The following SALL3 variants were observed in gnomAD, a reference collection of about 807,000 sequenced individuals.
SALL3 encodes the protein spalt like transcription factor 3, also known as sal-like protein 3.
A neutral mutation model predicts 66.2 loss-of-function variants in SALL3; 25 were observed. The ratio of observed to expected loss-of-function variants is 0.38; its 90% confidence interval spans 0.28 to 0.53. The LOEUF (loss-of-function observed/expected upper bound fraction) is 0.53, where lower values mean the gene tolerates loss of function less well. SALL3 is among the 20% of genes least tolerant of loss of function. The pLI is 0.85. For synonymous variants in SALL3, 1,152 were observed against 899.1 expected (o/e 1.28, Z -5.03); for missense variants, 2,194 against 1,916.5 (o/e 1.14, Z -2.70).
Position 78,992,566 on chromosome 18 carries a change from G to A in SALL3, c.575G>A (p.Gly192Glu). ...GGCGCGCGCGCGGCAGGCGGCTCGGGAGCAGGTGGAGGCGTGGCAGCTGCA... is the reference window on the plus strand; with the variant it reads ...GGCGCGCGCGCGGCAGGCGGCTCGGAAGCAGGTGGAGGCGTGGCAGCTGCA... Reference protein sequence around the residue: ...SQGARAAGGSGAGGGVAAAAV... With the variant: ...SQGARAAGGSEAGGGVAAAAV... The change falls in exon 2 of 3, where the codon GGA becomes GAA. Residue 192 changes from glycine to glutamate, a missense_variant. Physicochemically the swap from Gly to Glu is moderately conservative, Grantham distance 98. Transcript: ENST00000537592. 6.6e-7 allele frequency: 1 copy of A among 1,505,080 alleles called. No homozygotes were observed. Among genetic ancestry groups the A allele is most frequent in the Non-Finnish European group, 8.8e-7 (1 of 1,134,972 alleles). 93.2% of individuals were successfully genotyped at this position (1,505,080 alleles called of 1,614,324 possible).
At chr18:78,987,260 A>T (rs1914275791) in intron 1 of SALL3, among the ~76,000 whole-genome samples, 1 of 152,244 alleles carries the variant, frequency 6.6e-6, no homozygotes, top group South Asian at 2.1e-4. Flanking sequence ...ATAACAGACC[A>T]GGGATTAAAG....
At chr18:78,995,959 C>T (rs1301950235) in intron 2 of SALL3, among the ~76,000 whole-genome samples, 1 of 152,114 alleles carries the variant, frequency 6.6e-6, no homozygotes, top group Non-Finnish European at 1.5e-5. Context: ...TGAGAATGCT[C>T]ACTTTGCAAC....
rs1406757662 is a variant in SALL3 at position 78,992,536 on chromosome 18, C to T, written c.545C>T (p.Ser182Leu). 3 of 1,494,874 alleles carry T rather than the reference C, an allele frequency of 2.0e-6. No individual in the cohort carries two copies. The highest frequency in any genetic ancestry group is 1.5e-5 in the African/African-American group (1 of 68,638). 92.6% of individuals were successfully genotyped at this position (1,494,874 alleles called of 1,614,324 possible). Residue 182 changes from serine (S) to leucine (L), a missense_variant, in exon 2 of 3, where the codon TCG (serine) becomes TTG (leucine). Physicochemically the swap from Ser to Leu is moderately radical, Grantham distance 145. Transcript: ENST00000537592. ...ACCAAGGTGGCGGTGGCGCAGTTCT[C>T]GCAGGGCGCGCGCGCGGCAGGCGGC... is the stretch of plus-strand genomic sequence containing the variant. ...LSTKVAVAQF[S>L]QGARAAGGSG...
chr18:78,995,369 C>T lies in SALL3; in HGVS notation c.3378C>T (p.Ser1126=), dbSNP rs369488002. 3.8e-5 allele frequency: 60 copies of T among 1,580,312 alleles called. No individual in the cohort carries two copies. Among genetic ancestry groups the T allele is most frequent in the Non-Finnish European group, 5.0e-5 (59 of 1,171,120 alleles). Residue 1126 remains serine (S), a synonymous_variant, in exon 2 of 3, where the codon AGC becomes AGT. Coordinates refer to ENST00000537592, the MANE Select transcript of SALL3 (RefSeq NM_171999.4). ...QSCGKTFSSA[S]ALQIHERTHT... is the part of the protein sequence containing the mutation. ...GCGGGAAGACCTTCTCCTCGGCCAGCGCCCTGCAGATCCATGAGCGCACGC... is the reference window on the plus strand; with the variant it reads ...GCGGGAAGACCTTCTCCTCGGCCAGTGCCCTGCAGATCCATGAGCGCACGC...
intron 2 of SALL3, 67 bp downstream of exon 2, chr18:78,995,529 C>G: frequency 6.7e-7 from 1 of 1,487,104 alleles, no homozygotes; most frequent in Non-Finnish European, 8.9e-7. Flanking sequence ...TCTCCATCAC[C>G]TGCCGCAGAC....
rs1227908348 is a variant in SALL3 at position 78,980,257 on chromosome 18, C to T, written c.-18C>T. ...CTGATGCCGCTGCCCCGCGCGGGGC[C>T]CGAGCGCCGCTAGCAGCATGTCTCG... On this transcript the variant is annotated 5_prime_UTR_variant, in exon 1 of 3. Transcript: ENST00000537592. 1.0e-5 allele frequency: 13 copies of T among 1,257,924 alleles called. No individual in the cohort carries two copies. The South Asian group carries it at 1.4e-4, about 14-fold the overall frequency. The allele number at this position is 1,257,924 out of a possible 1,614,324, so 77.9% of individuals were successfully genotyped here.
Position 78,994,895 on chromosome 18 carries a change from C to T in SALL3, c.2904C>T (p.Ser968=), listed in dbSNP as rs1390662394. The T allele has an allele frequency of 1.9e-6, 3 of 1,612,136 alleles. No individual in the cohort carries two copies. Among genetic ancestry groups the T allele is most frequent in the Middle Eastern group, 1.7e-4 (1 of 6,056 alleles). The change falls in exon 2 of 3, where the codon AGC becomes AGT. Residue 968 remains serine, a synonymous_variant. Transcript: ENST00000537592. ...CGCCCTTCAGCCTGCTGTTCCTGAG[C>T]AGGGAGCGGGGTAAGTGTCCCAGCA... The part of the protein sequence containing the change: ...EEAPFSLLFL[S]RERGKCPSTV...
intron 2 of SALL3, among the ~76,000 whole-genome samples, chr18:78,996,223 C>T (rs1156395981): frequency 6.6e-6 from 1 of 152,136 alleles, no homozygotes; most frequent in Non-Finnish European, 1.5e-5. Context: ...GGGTGTGTGA[C>T]GAGTACTGGG....
In SALL3 at chr18:78,992,561, C is replaced by T; in HGVS notation, c.570C>T (p.Gly190=). The T allele has an allele frequency of 6.7e-7, 1 of 1,503,538 alleles. No individual in the cohort carries two copies. Among genetic ancestry groups the T allele is most frequent in the Non-Finnish European group, 8.8e-7 (1 of 1,134,258 alleles). 93.1% of individuals were successfully genotyped at this position (1,503,538 alleles called of 1,614,324 possible). ...CGCAGGGCGCGCGCGCGGCAGGCGG[C>T]TCGGGAGCAGGTGGAGGCGTGGCAG... is the stretch of plus-strand genomic sequence containing the variant. ...QFSQGARAAG[G]SGAGGGVAAA... is the part of the protein sequence containing the mutation. The change falls in exon 2 of 3, where the codon GGC becomes GGT. Residue 190 remains glycine, a synonymous_variant. Transcript: ENST00000537592.
At position 78,995,007 on chromosome 18, in the gene SALL3, GTCTGCGCGC is replaced by G; in HGVS notation, c.3022_3030del (p.Ala1008_Cys1010del). The G allele has an allele frequency of 6.2e-7, 1 of 1,613,884 alleles. No individual in the cohort carries two copies. Among genetic ancestry groups the G allele is most frequent in the Non-Finnish European group, 8.5e-7 (1 of 1,180,026 alleles). ...CAGCCATACTAAGGAGCGGCCATTCGTCTGCGCGCTCTGCAGGCGAGGGTGCTCCACTAT... is the reference window on the plus strand; with the variant it reads ...CAGCCATACTAAGGAGCGGCCATTCGTCTGCAGGCGAGGGTGCTCCACTAT... On this transcript the variant is annotated inframe_deletion, in exon 2 of 3. Transcript: ENST00000537592.
Position 78,993,402 on chromosome 18 carries a change from AAGG to A in SALL3, c.1414_1416del (p.Glu472del). ...CCTGAAGGTGCACTTCCAGAGGCACAAGGAGAAGTACCCCCACATCCAGATGAA... is the reference window on the plus strand; with the variant it reads ...CCTGAAGGTGCACTTCCAGAGGCACAAGAAGTACCCCCACATCCAGATGAA... On this transcript the variant is annotated inframe_deletion, in exon 2 of 3. Transcript: ENST00000537592. 4 of 1,612,736 alleles carry A rather than the reference AAGG, an allele frequency of 2.5e-6. No homozygotes were observed. Among genetic ancestry groups the A allele is most frequent in the Non-Finnish European group, 3.4e-6 (4 of 1,179,904 alleles).
intron 2 of SALL3, 84 bp downstream of exon 2, chr18:78,995,546 G>A (rs1384180444): frequency 6.8e-7 from 1 of 1,471,740 alleles, no homozygotes; most frequent in South Asian, 1.4e-5. Context: ...AGACACAGCG[G>A]CCGAGGTCCT....
intron 1 of SALL3, among the ~76,000 whole-genome samples, chr18:78,982,474 G>C (rs1329880131): frequency 6.6e-6 from 1 of 152,120 alleles, no homozygotes; most frequent in Non-Finnish European, 1.5e-5. Flanking sequence ...AGAGAGTTTA[G>C]GCAAACTATT....
intron 1 of SALL3, among the ~76,000 whole-genome samples, chr18:78,981,772 T>G (rs560788597): frequency 1.1e-4 from 16 of 152,324 alleles, no homozygotes; most frequent in East Asian, 1.9e-4. Flanking sequence ...AATGGATTTT[T>G]TTTTGTTTTG....
Position 78,992,461 on chromosome 18 carries a change from C to T in SALL3, c.470C>T (p.Pro157Leu). 1 of 1,437,676 alleles carries T rather than the reference C, an allele frequency of 7.0e-7. No homozygotes were observed. The highest frequency in any genetic ancestry group is 9.1e-7 in the Non-Finnish European group (1 of 1,100,264). The allele number at this position is 1,437,676 out of a possible 1,614,324, so 89.1% of individuals were successfully genotyped here. A position where few individuals can be genotyped will look rare whatever the true frequency, so the allele number is the denominator to read the frequency against. The part of the protein sequence containing the change: ...PPPAAPAPPT[P>L]AYGAPSTNVT... ...CCTGCGGCCCCTGCACCCCCAACGC[C>T]CGCCTACGGCGCGCCCAGCACCAAC... The change falls in exon 2 of 3, where the codon CCC becomes CTC. Residue 157 changes from proline to leucine, a missense_variant. Coordinates refer to ENST00000537592, the MANE Select transcript of SALL3 (RefSeq NM_171999.4).
intron 1 of SALL3, chr18:78,985,075 G>A (rs1436606353): frequency 6.6e-6 from 1 of 152,256 alleles, no homozygotes; most frequent in Non-Finnish European, 1.5e-5. Context: ...CTGAAGGTGG[G>A]TAGTTAGAAG....
intron 1 of SALL3, among the ~76,000 whole-genome samples, chr18:78,990,590 A>G (rs976248211): frequency 6.6e-6 from 1 of 152,214 alleles, no homozygotes; most frequent in South Asian, 2.1e-4. Flanking sequence ...CTAAACATCA[A>G]CAACAAATGT....
In SALL3 at chr18:78,997,339, C is replaced by G; in HGVS notation, c.*17C>G. 1 of 1,603,444 alleles carries G rather than the reference C, an allele frequency of 6.2e-7. No homozygotes were observed. The highest frequency in any genetic ancestry group is 8.5e-7 in the Non-Finnish European group (1 of 1,172,894). ...ATCAACTAGCCAGTGACTCGCTCATCTGCCCTGCCCAGGCCCACGTTTTGA... is the reference window on the plus strand; with the variant it reads ...ATCAACTAGCCAGTGACTCGCTCATGTGCCCTGCCCAGGCCCACGTTTTGA... On this transcript the variant is annotated 3_prime_UTR_variant, in exon 3 of 3. Coordinates refer to ENST00000537592, the MANE Select transcript of SALL3 (RefSeq NM_171999.4).
chr18:78,989,697 TAA>T (rs1914361869), intron 1 of SALL3, among the ~76,000 whole-genome samples: 1 of 152,220 alleles, frequency 6.6e-6, no homozygotes, highest in South Asian at 2.1e-4. Context: ...TGTAAGGAGT[TAA>T]GTGTAAAAAA....
Sources: gnomAD v4.1 joint callset for allele counts (sites outside exome capture counted in the v4.1 genomes callset) on GRCh38, gnomAD v4.1.1 for gene constraint, MANE v1.5 for transcripts, NCBI Gene and HGNC (gene_info 2026-07-23, HGNC 2026-07-21) for gene names.